The following HIVEP2 variants were observed in gnomAD, a reference collection of about 807,000 sequenced individuals.
HIVEP2 encodes the protein transcription factor HIVEP2.
Under a neutral mutation model 180.7 loss-of-function variants are expected in HIVEP2, and 14 were observed. The ratio of observed to expected loss-of-function variants is 0.08; its 90% CI spans 0.05 to 0.12. The LOEUF is 0.12. Ranked by LOEUF, HIVEP2 falls within the 10% of genes least tolerant of loss-of-function variation. HIVEP2 has a pLI of 1.00. For synonymous variants in HIVEP2, 1,184 were observed against 1,136.4 expected (o/e 1.04, Z -0.84); for missense variants, 2,579 against 3,008.5 (o/e 0.86, Z 3.34).
intron 2 of HIVEP2, among the ~76,000 whole-genome samples, chr6:142,833,864 T>C (rs1316619302): frequency 2.0e-5 from 3 of 152,160 alleles, no homozygotes; most frequent in Non-Finnish European, 4.4e-5. Flanking sequence ...TTTGTAAATA[T>C]TAATACTCAA....
At chr6:142,886,997 C>A (rs1357346570) in intron 1 of HIVEP2, among the ~76,000 whole-genome samples, 1 of 152,128 alleles carries the variant, frequency 6.6e-6, no homozygotes, top group Non-Finnish European at 1.5e-5. Context: ...TATGTGTCAA[C>A]AGTATGTGGC....
chr6:142,781,601 A>G (rs1192581894), intron 3 of HIVEP2, among the ~76,000 whole-genome samples: 1 of 152,192 alleles, frequency 6.6e-6, no homozygotes, highest in Non-Finnish European at 1.5e-5. Context: ...CATGTTAAAA[A>G]AGAGATTACC....
intron 4 of HIVEP2, among the ~76,000 whole-genome samples, chr6:142,775,817 G>A (rs961071184): frequency 7.7e-6 from 1 of 130,494 alleles, no homozygotes; most frequent in Admixed American, 7.4e-5. Flanking sequence ...CCTGGCGACA[G>A]AGCGAGACTC....
chr6:142,807,784 G>A (rs146861776), intron 2 of HIVEP2, among the ~76,000 whole-genome samples: 1 of 152,298 alleles, frequency 6.6e-6, no homozygotes, highest in Non-Finnish European at 1.5e-5. Context: ...ACAAGGCCAG[G>A]AGGCCACCAG....
intron 2 of HIVEP2, among the ~76,000 whole-genome samples, chr6:142,812,510 C>A (rs1776723883): frequency 6.6e-6 from 1 of 152,082 alleles, no homozygotes; most frequent in Non-Finnish European, 1.5e-5. Flanking sequence ...CTATACCATG[C>A]CCCATAACAA....
intron 1 of HIVEP2, among the ~76,000 whole-genome samples, chr6:142,858,563 C>T (rs1775887534): frequency 6.6e-6 from 1 of 152,102 alleles, no homozygotes; most frequent in African/African-American, 2.4e-5. Flanking sequence ...CCTCCTCTCA[C>T]CTGCCCTCTT....
Position 142,917,261 on chromosome 6 carries a change from C to T in HIVEP2, c.-641+27838G>A, listed in dbSNP as rs183585928. Among the ~76,000 whole-genome samples the T allele has an allele frequency of 3.1e-3, 469 of 152,284 alleles. 2 individuals are homozygous for T. The highest frequency in any genetic ancestry group is 0.011 in the African/African-American group (454 of 41,566). On this transcript the variant is annotated intron_variant, in intron 1 of 9. Coordinates refer to ENST00000367603, the MANE Select transcript of HIVEP2 (RefSeq NM_006734.4). The stretch of plus-strand genomic sequence containing the variant: ...TCTCTTCTCCAGGATCATCAACCTA[C>T]TTGATATGAAAAACAGAATACATGA...
intron 1 of HIVEP2, among the ~76,000 whole-genome samples, chr6:142,860,938 T>A (rs956713306): frequency 2.6e-5 from 4 of 152,244 alleles, no homozygotes; most frequent in Non-Finnish European, 4.4e-5. Context: ...AATTCCCATG[T>A]GCCTTATTTA....
In HIVEP2 at chr6:142,770,846, G is replaced by A. The variant is rs1365228482; in HGVS notation, c.3893C>T (p.Pro1298Leu). The change falls in exon 5 of 10, where the codon CCA (proline) becomes CTA (leucine). Residue 1298 changes from proline to leucine, a missense_variant. Pro to Leu is a moderately conservative substitution (Grantham distance 98). This residue lies in a region of HIVEP2 where 523 missense variants were observed against 577.0 expected (regional missense o/e 0.91). Transcript: ENST00000367603. The surrounding 1 kb of genome is among the most constrained non-coding windows in gnomAD (Gnocchi z 4.7). ...AGTTGACTTACTGCTCTGGTCTGAT[G>A]GAAACTTTGGAAGAAGGTTCTTTGG... Reference protein sequence around the residue: ...LHPKNLLPKFPSDQSSKSTET... With the variant: ...LHPKNLLPKFLSDQSSKSTET... The A allele has an allele frequency of 3.1e-6, 5 of 1,614,188 alleles. No homozygotes were observed. The African/African-American group carries it at 4.0e-5, about 13-fold the overall frequency.
intron 1 of HIVEP2, among the ~76,000 whole-genome samples, chr6:142,926,546 A>G (rs1377379466): frequency 6.6e-6 from 1 of 152,200 alleles, no homozygotes; most frequent in East Asian, 1.9e-4. Flanking sequence ...GCAATGACAA[A>G]CGGACTCAGG....
rs1161925820 is a variant in HIVEP2 at position 142,760,319 on chromosome 6, C to T, written c.5969G>A (p.Cys1990Tyr). 1.9e-6 allele frequency: 3 copies of T among 1,614,118 alleles called. No individual in the cohort carries two copies. Among genetic ancestry groups the T allele is most frequent in the Admixed American group, 1.7e-5 (1 of 60,032 alleles). Reference protein sequence around the residue: ...VTQLMTPSDSCEDTQMTEYQR... With the variant: ...VTQLMTPSDSYEDTQMTEYQR... ...GTATTCTGTCATCTGGGTATCTTCA[C>T]ATGAATCACTGGGTGTCATAAGCTG... The change falls in exon 9 of 10, where the codon TGT becomes TAT. Residue 1990 changes from cysteine (C) to tyrosine (Y), a missense_variant. Coordinates refer to ENST00000367603, the MANE Select transcript of HIVEP2 (RefSeq NM_006734.4).
chr6:142,923,549 T>C (rs191866380), intron 1 of HIVEP2, among the ~76,000 whole-genome samples: 1 of 152,318 alleles, frequency 6.6e-6, no homozygotes, highest in East Asian at 1.9e-4. Context: ...TTCCAAATAA[T>C]ATTCCAATTC....
intron 9 of HIVEP2, 138 bp from the exon 10 acceptor site, chr6:142,754,069 G>T: frequency 7.3e-6 from 4 of 550,672 alleles, no homozygotes; most frequent in South Asian, 2.8e-5. Context: ...CTTTGATCAA[G>T]TTTTCCTATT....
At chr6:142,765,936 T>C (rs1328549307) in intron 6 of HIVEP2, among the ~76,000 whole-genome samples, 1 of 152,216 alleles carries the variant, frequency 6.6e-6, no homozygotes, top group Non-Finnish European at 1.5e-5. Flanking sequence ...GGGTCTAATG[T>C]TATTTTTGGA....
At chr6:142,836,002 T>C (rs1775213301) in intron 2 of HIVEP2, among the ~76,000 whole-genome samples, 2 of 152,202 alleles carry the variant, frequency 1.3e-5, no homozygotes, top group South Asian at 4.1e-4. Flanking sequence ...CACTTTCCTC[T>C]CTTGTTCGTT....
chr6:142,815,063 G>A (rs540748749), intron 2 of HIVEP2, among the ~76,000 whole-genome samples: 1 of 152,228 alleles, frequency 6.6e-6, no homozygotes, highest in South Asian at 2.1e-4. Context: ...GAGGGACAAA[G>A]GGGGCTAACT....
intron 2 of HIVEP2, among the ~76,000 whole-genome samples, chr6:142,829,155 G>A (rs1775003607): frequency 6.6e-6 from 1 of 152,048 alleles, no homozygotes; most frequent in South Asian, 2.1e-4. Context: ...GCTCAAAAGT[G>A]GGTAAAGTTT....
At chr6:142,896,663 A>G (rs987213652) in intron 1 of HIVEP2, among the ~76,000 whole-genome samples, 8 of 152,210 alleles carry the variant, frequency 5.3e-5, no homozygotes, top group African/African-American at 1.9e-4. Context: ...AAACAATAAA[A>G]TAATGAATTT....
chr6:142,849,369 T>A (rs1385588321), intron 1 of HIVEP2, among the ~76,000 whole-genome samples: 1 of 152,116 alleles, frequency 6.6e-6, no homozygotes, highest in African/African-American at 2.4e-5. Flanking sequence ...GCAAACTAAG[T>A]TTGAGGTGCC....
Sources: gnomAD v4.1 joint callset for allele counts (sites outside exome capture counted in the v4.1 genomes callset) on GRCh38, gnomAD v4.1.1 for gene constraint, gnomAD v4.1.1 regional missense constraint, Gnocchi (gnomAD v3.1) non-coding constraint, MANE v1.5 for transcripts, NCBI Gene and HGNC (gene_info 2026-07-23, HGNC 2026-07-21) for gene names.